Variants in TRAPPC12 observed in about 807,000 individuals in gnomAD.
TRAPPC12 encodes the protein trafficking protein particle complex subunit 12.
A neutral mutation model predicts 69.2 loss-of-function variants in TRAPPC12; 61 were observed. That is an observed-to-expected ratio of 0.88 (90% CI 0.72 to 1.09). The LOEUF (loss-of-function observed/expected upper bound fraction) is 1.09. Among genes scored for constraint, TRAPPC12 ranks in the 50% least tolerant of loss-of-function variants. The probability of loss-of-function intolerance (pLI) is 0.00; values close to 1 mark genes in which losing one functional copy is unlikely to be tolerated. For synonymous variants in TRAPPC12, 469 were observed against 438.9 expected (o/e 1.07, Z -0.86); for missense variants, 1,101 against 1,016.4 (o/e 1.08, Z -1.13).
At chr2:3,439,023 A>G (rs1160371581) in intron 5 of TRAPPC12, among the ~76,000 whole-genome samples, 1 of 152,154 alleles carries the variant, frequency 6.6e-6, no homozygotes, top group African/African-American at 2.4e-5. Context: ...ATATCTGCCA[A>G]GCATCTTCCA....
chr2:3,466,620 A>G (rs1424590456), intron 9 of TRAPPC12, among the ~76,000 whole-genome samples: 2 of 152,138 alleles, frequency 1.3e-5, no homozygotes, highest in Non-Finnish European at 2.9e-5. Flanking sequence ...GCACTGACAC[A>G]CGTAGGCACA....
intron 8 of TRAPPC12, chr2:3,462,752 G>A (rs965726819): frequency 2.2e-5 from 8 of 366,100 alleles, no homozygotes; most frequent in African/African-American, 1.7e-4. Context: ...TAGGGCACCT[G>A]CACTGGCAGA....
At chr2:3,472,122 A>G (rs767300601) in intron 9 of TRAPPC12, among the ~76,000 whole-genome samples, 37 of 152,124 alleles carry the variant, frequency 2.4e-4, no homozygotes, top group Non-Finnish European at 3.1e-4. Flanking sequence ...ACTCACCGCT[A>G]TGGCTGAGAG....
intron 8 of TRAPPC12, among the ~76,000 whole-genome samples, chr2:3,463,390 C>T (rs1040648408): frequency 1.3e-5 from 2 of 151,594 alleles, no homozygotes; most frequent in African/African-American, 4.9e-5. Context: ...GAGTGGCTGC[C>T]GGCGGGTGCA....
rs532533220 is a variant in TRAPPC12, at chr2:3,479,356, C to T, written c.2103C>T (p.Tyr701=). ...ESVLFNLTTM[Y]ELESSRSMQK... is the part of the protein sequence containing the mutation. ...TGCTCTTCAACCTGACCACCATGTA[C>T]GAGCTGGAGTCCTCACGGAGCATGC... The change falls in exon 12 of 12, where the codon TAC becomes TAT. Residue 701 remains tyrosine (Y), a synonymous_variant. Coordinates refer to ENST00000324266, the MANE Select transcript of TRAPPC12 (RefSeq NM_016030.6). The T allele has an allele frequency of 6.2e-6, 10 of 1,614,084 alleles. No homozygotes were observed. Among genetic ancestry groups the T allele is most frequent in the Admixed American group, 1.7e-5 (1 of 60,014 alleles).
At chr2:3,380,279 C>T (rs1025335563) in intron 1 of TRAPPC12, among the ~76,000 whole-genome samples, 1 of 152,048 alleles carries the variant, frequency 6.6e-6, no homozygotes, top group Non-Finnish European at 1.5e-5. Context: ...CTTAATTCAC[C>T]CTCCCGCGGA....
In TRAPPC12 at chr2:3,457,657, G is replaced by A. The variant is rs144504658; in HGVS notation, c.1567G>A (p.Gly523Ser). 217 of 1,611,960 alleles carry A rather than the reference G, an allele frequency of 1.3e-4. No individual in the cohort carries two copies. Among genetic ancestry groups the A allele is most frequent in the Non-Finnish European group, 1.1e-4 (125 of 1,179,972 alleles). Residue 523 changes from glycine to serine, a missense_variant, in exon 7 of 12, where the codon GGC becomes AGC. Gly to Ser is a moderately conservative substitution (Grantham distance 56, BLOSUM62 0). Transcript: ENST00000324266. Reference protein sequence around the residue: ...ANLEQGLAEDGGMSSVTQEGR... With the variant: ...ANLEQGLAEDSGMSSVTQEGR... ...TTTGGAGCAAGGCTTAGCAGAAGAC[G>A]GCGGCATGAGCAGCGTGACTCAGGA...
chr2:3,460,156 A>T (rs1386626392), intron 7 of TRAPPC12, 107 bp from the exon 8 acceptor site: 6 of 794,928 alleles, frequency 7.5e-6, no homozygotes, highest in East Asian at 5.1e-5. Flanking sequence ...TGGTGTTAAC[A>T]AGAGGGATCT....
intron 1 of TRAPPC12, among the ~76,000 whole-genome samples, chr2:3,387,356 G>C (rs1001313277): frequency 2.6e-5 from 4 of 152,124 alleles, no homozygotes; most frequent in African/African-American, 9.7e-5. Flanking sequence ...TGGGTATACG[G>C]GGGAATGTTT....
At chr2:3,445,382 C>T (rs1371839230) in intron 6 of TRAPPC12, among the ~76,000 whole-genome samples, 1 of 151,980 alleles carries the variant, frequency 6.6e-6, no homozygotes. Context: ...AAGACTCTGT[C>T]TCAAAAAAAA....
At chr2:3,471,374 C>T (rs910875216) in intron 9 of TRAPPC12, among the ~76,000 whole-genome samples, 2 of 152,158 alleles carry the variant, frequency 1.3e-5, no homozygotes, top group Non-Finnish European at 2.9e-5. Context: ...GGCCTCGTCC[C>T]GCAGGCAGAA....
Position 3,460,320 on chromosome 2 carries a change from G to A in TRAPPC12, c.1661G>A (p.Cys554Tyr). 1 of 873,662 alleles carries A rather than the reference G, an allele frequency of 1.1e-6. No individual in the cohort carries two copies. The highest frequency in any genetic ancestry group is 1.3e-5 in the South Asian group (1 of 76,522). The allele number at this position is 873,662 out of a possible 1,614,324, so 54.1% of individuals were successfully genotyped here. ...CGGGTGATGTACTCCATGGCAAACT[G>A]TCTGCTCCTGATGAAGGTACGTGGG... The part of the protein sequence containing the change: ...LGRVMYSMAN[C>Y]LLLMKDYVLA... Residue 554 changes from cysteine to tyrosine, a missense_variant, in exon 8 of 12, where the codon TGT becomes TAT. By Grantham distance (194) the Cys-to-Tyr change is radical. Coordinates refer to ENST00000324266, the MANE Select transcript of TRAPPC12 (RefSeq NM_016030.6).
intron 10 of TRAPPC12, chr2:3,478,631 T>C (rs935949512): frequency 2.4e-5 from 12 of 496,308 alleles, no homozygotes; most frequent in African/African-American, 1.4e-4. Flanking sequence ...CAAAACTCCA[T>C]CTAAAAAATA....
chr2:3,427,011 A>G (rs1435433993), intron 5 of TRAPPC12, among the ~76,000 whole-genome samples: 2 of 152,194 alleles, frequency 1.3e-5, no homozygotes, highest in Non-Finnish European at 2.9e-5. Flanking sequence ...GCCCAAAAAG[A>G]ATGGGGAGCC....
rs912611566 is a variant in TRAPPC12, at chr2:3,479,444, T to C, written c.2191T>C (p.Cys731Arg). The change falls in exon 12 of 12, where the codon TGC becomes CGC. Residue 731 changes from cysteine to arginine, a missense_variant. Coordinates refer to ENST00000324266, the MANE Select transcript of TRAPPC12 (RefSeq NM_016030.6). ...GGAGGGGGACAGCTTCAACACACAG[T>C]GCCTCAAGCTGGCCTAGCTGCCTCC... ...GKEGDSFNTQ[C>R]LKLA 2 of 1,613,770 alleles carry C rather than the reference T, an allele frequency of 1.2e-6. No individual in the cohort carries two copies. Among genetic ancestry groups the C allele is most frequent in the Non-Finnish European group, 1.7e-6 (2 of 1,180,026 alleles).
chr2:3,466,429 G>A (rs1260676875), intron 9 of TRAPPC12: 9 of 468,462 alleles, frequency 1.9e-5, no homozygotes, highest in African/African-American at 6.0e-5. Context: ...TTCACCTCAC[G>A]GTGTGACTGG....
intron 2 of TRAPPC12, among the ~76,000 whole-genome samples, chr2:3,397,052 T>A (rs1661175621): frequency 1.3e-5 from 2 of 152,196 alleles, no homozygotes. Flanking sequence ...CTATGTAATA[T>A]CTGCATCTAT....
At chr2:3,452,735 T>C (rs10207406) in intron 6 of TRAPPC12, among the ~76,000 whole-genome samples, 32,408 of 152,202 alleles carry the variant, frequency 0.21, 4,613 homozygotes, top group African/African-American at 0.4. Flanking sequence ...TAATAGTCAG[T>C]GCAGCATTAA....
At position 3,443,991 on chromosome 2, in the gene TRAPPC12, TGCACCATC is replaced by T. The variant is rs963384769; in HGVS notation, c.1530+103_1530+110del. 10 of 838,642 alleles carry T rather than the reference TGCACCATC, an allele frequency of 1.2e-5. No homozygotes were observed. In the African/African-American group the frequency reaches 1.7e-4, roughly 14 times the overall value. 52.0% of individuals were successfully genotyped at this position (838,642 alleles called of 1,614,324 possible). On this transcript the variant is annotated intron_variant, in intron 6 of 11. Transcript: ENST00000324266. ...GCTGTTCCCTGCCCGTCCTGCCCCA[TGCACCATC>T]GCTGCTTCTGCCTTCAGAAGGCTAG...
Sources: allele counts gnomAD v4.1 joint callset (sites outside exome capture counted in the v4.1 genomes callset), GRCh38; gene constraint gnomAD v4.1.1; transcripts MANE v1.5; gene names NCBI Gene and HGNC (gene_info 2026-07-23, HGNC 2026-07-21).